LPCAT1: variants seen among roughly 807,000 people sequenced by gnomAD.
LPCAT1 encodes 1-acylglycerol-3-phosphate O-acyltransferase.
LPCAT1 carries 23 observed loss-of-function variants against 60.9 expected under a neutral mutation model. The observed-to-expected ratio is 0.38, with a 90% CI of 0.27 to 0.53. The LOEUF (loss-of-function observed/expected upper bound fraction) is 0.53, where lower values mean the gene tolerates loss of function less well. LPCAT1 is among the 20% of genes least tolerant of loss of function. The pLI is 0.82. For missense variants in LPCAT1, 622 were observed against 723.6 expected (o/e 0.86, Z 1.61); for synonymous variants, 340 against 301.1 (o/e 1.13, Z -1.34).
intron 11 of LPCAT1, among the ~76,000 whole-genome samples, chr5:1,472,914 C>T (rs1234079935): frequency 3.3e-5 from 5 of 152,304 alleles, no homozygotes; most frequent in Middle Eastern, 3.4e-3. Flanking sequence ...CCCTGAGCCA[C>T]GCACTGTGAT....
At chr5:1,511,325 G>A (rs1467951637) in intron 1 of LPCAT1, among the ~76,000 whole-genome samples, 2 of 152,150 alleles carry the variant, frequency 1.3e-5, no homozygotes, top group African/African-American at 4.8e-5. Flanking sequence ...CAGAGACCAC[G>A]TGGCCCCAAC....
At chr5:1,464,643 GCACA>G (rs36081788) in intron 13 of LPCAT1, among the ~76,000 whole-genome samples, 164 of 147,068 alleles carry the variant, frequency 1.1e-3, no homozygotes, top group African/African-American at 3.4e-3. Context: ...ACACATGCGT[GCACA>G]CACACACACA....
intron 2 of LPCAT1, among the ~76,000 whole-genome samples, chr5:1,499,654 G>C (rs772857031): frequency 3.9e-5 from 6 of 152,166 alleles, no homozygotes; most frequent in Non-Finnish European, 5.9e-5. Flanking sequence ...GGCTGCCCCA[G>C]GTCACCACTA....
Position 1,479,690 on chromosome 5 carries a change from G to A in LPCAT1, c.762-15C>T, listed in dbSNP as rs1735055827. 1 of 1,600,992 alleles carries A rather than the reference G, an allele frequency of 6.2e-7. No individual in the cohort carries two copies. Among genetic ancestry groups the A allele is most frequent in the African/African-American group, 1.3e-5 (1 of 74,614 alleles). The stretch of plus-strand genomic sequence containing the variant: ...GGATTTCCAGCCTTAAAAACAGATT[G>A]CACAATGTTGAGCAGATTTACAACT... On this transcript the variant is annotated splice_polypyrimidine_tract_variant and intron_variant, in intron 7 of 13. Coordinates refer to ENST00000283415, the MANE Select transcript of LPCAT1 (RefSeq NM_024830.5).
chr5:1,465,412 TAC>T (rs1015757071), intron 13 of LPCAT1, among the ~76,000 whole-genome samples: 1 of 126,882 alleles, frequency 7.9e-6, no homozygotes. Context: ...ACATGGTAAC[TAC>T]ACACATGCAC....
Position 1,477,284 on chromosome 5 carries a change from G to T in LPCAT1, c.899+120C>A. ...CGCTTCACCAACATGCATGAAGCTG[G>T]TTCCCGCACTTCTGCAAGAATGCCT... On this transcript the variant is annotated intron_variant, in intron 9 of 13. Transcript: ENST00000283415. The surrounding 1 kb of genome is among the most constrained non-coding windows in gnomAD (Gnocchi z 6.0). 1.3e-6 allele frequency: 1 copy of T among 785,752 alleles called. No homozygotes were observed. The highest frequency in any genetic ancestry group is 1.7e-5 in the South Asian group (1 of 59,814). The allele number at this position is 785,752 out of a possible 1,614,324, so 48.7% of individuals were successfully genotyped here.
chr5:1,464,440 C>A (rs944454625), intron 13 of LPCAT1, among the ~76,000 whole-genome samples: 1 of 152,198 alleles, frequency 6.6e-6, no homozygotes, highest in African/African-American at 2.4e-5. Flanking sequence ...GCGAGAAATC[C>A]AGGGATGGTT....
At chr5:1,516,619 T>G (rs911675565) in intron 1 of LPCAT1, among the ~76,000 whole-genome samples, 101 of 149,930 alleles carry the variant, frequency 6.7e-4, no homozygotes, top group African/African-American at 2.5e-3. Flanking sequence ...AGAGAAACTG[T>G]TTTCTTTCTT....
chr5:1,520,429 G>A (rs913699335), intron 1 of LPCAT1, among the ~76,000 whole-genome samples: 3 of 152,222 alleles, frequency 2.0e-5, no homozygotes, highest in African/African-American at 7.2e-5. Context: ...GTGGGCAGGC[G>A]GGCACCCAGC....
rs556545587 is a variant in LPCAT1 at position 1,491,816 on chromosome 5, G to GA, written c.494-1959dup. Reference sequence around the variant, plus strand: ...GAAAGGAAACTAAGAATGTGAAAAGGAAAAAATCTACCTGGTTGATCACTT... The same window carrying GA: ...GAAAGGAAACTAAGAATGTGAAAAGGAAAAAAATCTACCTGGTTGATCACTT... On this transcript the variant is annotated intron_variant, in intron 3 of 13. Transcript: ENST00000283415. Among the ~76,000 whole-genome samples, 4 of 152,262 alleles carry GA rather than the reference G, an allele frequency of 2.6e-5. No homozygotes were observed. The South Asian group carries it at 6.2e-4, about 24-fold the overall frequency.
At position 1,496,773 on chromosome 5, in the gene LPCAT1, C is replaced by A. The variant is rs997231543; in HGVS notation, c.279-1859G>T. On this transcript the variant is annotated intron_variant, in intron 2 of 13. Transcript: ENST00000283415. The surrounding 1 kb of genome is among the most constrained non-coding windows in gnomAD (Gnocchi z 4.7). The stretch of plus-strand genomic sequence containing the variant: ...AACTATCCACATGTGAAAACCCGGA[C>A]TGCTGGTGTGGATGACAGCCTCAGA... Among the ~76,000 whole-genome samples, 5 of 152,200 alleles carry A rather than the reference C, an allele frequency of 3.3e-5. No individual in the cohort carries two copies. The highest frequency in any genetic ancestry group is 1.2e-4 in the African/African-American group (5 of 41,440).
intron 4 of LPCAT1, among the ~76,000 whole-genome samples, chr5:1,489,283 C>T (rs1352719544): frequency 2.6e-5 from 4 of 152,224 alleles, no homozygotes; most frequent in African/African-American, 7.2e-5. Flanking sequence ...GATGGCTCAG[C>T]TGGAAAGAAG....
intron 1 of LPCAT1, among the ~76,000 whole-genome samples, chr5:1,507,107 G>T (rs36968): frequency 2.0e-5 from 3 of 152,084 alleles, no homozygotes; most frequent in African/African-American, 4.8e-5. Flanking sequence ...AATGCGGAGA[G>T]GGGGAGGGAC....
chr5:1,492,776 G>A (rs1011463198), intron 3 of LPCAT1, among the ~76,000 whole-genome samples: 1 of 152,136 alleles, frequency 6.6e-6, no homozygotes, highest in Non-Finnish European at 1.5e-5. Context: ...ACACTCCTTC[G>A]TGTTGGTGAT....
intron 13 of LPCAT1, among the ~76,000 whole-genome samples, chr5:1,465,241 GCA>G (rs928272356): frequency 2.9e-5 from 4 of 138,916 alleles, no homozygotes; most frequent in Non-Finnish European, 6.1e-5. Flanking sequence ...ACAAGCACAC[GCA>G]CACAGCAACT....
Position 1,462,305 on chromosome 5 carries a change from T to C in LPCAT1, c.*1346A>G, listed in dbSNP as rs1388305534. On this transcript the variant is annotated 3_prime_UTR_variant, in exon 14 of 14. Transcript: ENST00000283415. ...TTATTGTGCTTGAAGGATGGGTTTC[T>C]AATTCTGTCATAAAAAATGATGAAA... 1 of 152,564 alleles carries C rather than the reference T, an allele frequency of 6.6e-6. No homozygotes were observed. The highest frequency in any genetic ancestry group is 2.4e-5 in the African/African-American group (1 of 41,428). 9.5% of individuals were successfully genotyped at this position (152,564 alleles called of 1,614,324 possible).
intron 11 of LPCAT1, among the ~76,000 whole-genome samples, chr5:1,473,499 G>A (rs1040241994): frequency 1.3e-5 from 2 of 152,258 alleles, no homozygotes; most frequent in African/African-American, 2.4e-5. Flanking sequence ...GACGTGCGGA[G>A]GGCAGAGGGG....
chr5:1,463,883 G>A, intron 13 of LPCAT1, 48 bp from the exon 14 acceptor site: 1 of 1,591,952 alleles, frequency 6.3e-7, no homozygotes, highest in Non-Finnish European at 8.6e-7. Context: ...ACGAGCAAAT[G>A]TCTAGGATTT....
chr5:1,470,929 G>A lies in LPCAT1; in HGVS notation c.1180-5C>T. The A allele has an allele frequency of 6.2e-7, 1 of 1,611,188 alleles. No individual in the cohort carries two copies. Among genetic ancestry groups the A allele is most frequent in the African/African-American group, 1.3e-5 (1 of 74,916 alleles). On this transcript the variant is annotated splice_polypyrimidine_tract_variant and splice_region_variant and intron_variant, in intron 11 of 13. Coordinates refer to ENST00000283415, the MANE Select transcript of LPCAT1 (RefSeq NM_024830.5). ...GTCCACCTCGCCGCTGCCGCTCTGT[G>A]GGGAGAGACGCTCTCAGCCACAGCT...
Sources: gnomAD v4.1 joint callset for allele counts (sites outside exome capture counted in the v4.1 genomes callset) on GRCh38, gnomAD v4.1.1 for gene constraint, Gnocchi (gnomAD v3.1) non-coding constraint, MANE v1.5 for transcripts, NCBI Gene and HGNC (gene_info 2026-07-23, HGNC 2026-07-21) for gene names.